MGAT5: variants seen among roughly 807,000 people sequenced by gnomAD.
MGAT5 encodes the protein alpha-1,6-mannosylglycoprotein 6-beta-N-acetylglucosaminyltransferase.
In MGAT5, 30 loss-of-function variants were observed where a neutral mutation model predicts 94.3. The observed-to-expected ratio is 0.32, with a 90% CI of 0.24 to 0.43. The LOEUF is 0.43. Among genes scored for constraint, MGAT5 ranks in the 20% least tolerant of loss-of-function variants. The pLI, the probability that MGAT5 is intolerant of heterozygous loss-of-function variation, is 1.00. For synonymous variants in MGAT5, 310 were observed against 322.9 expected, an observed-to-expected ratio of 0.96 and a Z score of 0.43; for missense variants, 691 against 905.5, an observed-to-expected ratio of 0.76 and a Z score of 3.04.
At chr2:134,195,547 G>A (rs953301807) in intron 1 of MGAT5, among the ~76,000 whole-genome samples, 4 of 151,968 alleles carry the variant, frequency 2.6e-5, no homozygotes, top group African/African-American at 9.7e-5. Flanking sequence ...CTCCCATATC[G>A]GCTGCAGCAG....
intron 1 of MGAT5, among the ~76,000 whole-genome samples, chr2:134,238,211 A>G (rs992216306): frequency 3.3e-5 from 5 of 152,216 alleles, no homozygotes; most frequent in East Asian, 3.9e-4. Flanking sequence ...GCTGTGTGAC[A>G]TTGAACAGAT....
At chr2:134,148,051 A>G (rs554155577) in intron 1 of MGAT5, among the ~76,000 whole-genome samples, 104 of 152,364 alleles carry the variant, frequency 6.8e-4, no homozygotes, top group Non-Finnish European at 1.3e-3. Flanking sequence ...AACTTAATGA[A>G]GAAGCACTCA....
chr2:134,384,020 A>C (rs1381847877), intron 10 of MGAT5, among the ~76,000 whole-genome samples: 3 of 152,100 alleles, frequency 2.0e-5, no homozygotes, highest in Admixed American at 1.3e-4. Flanking sequence ...TTGAGAAAGA[A>C]TCAAAAGAAG....
chr2:134,233,136 T>G (rs1681456594), intron 1 of MGAT5, among the ~76,000 whole-genome samples: 1 of 152,250 alleles, frequency 6.6e-6, no homozygotes, highest in African/African-American at 2.4e-5. Context: ...TTGTTTTTTG[T>G]AGATTGTAAA....
intron 1 of MGAT5, among the ~76,000 whole-genome samples, chr2:134,255,780 A>G (rs908161212): frequency 6.6e-6 from 1 of 152,138 alleles, no homozygotes; most frequent in Non-Finnish European, 1.5e-5. Context: ...CCACTCAAGG[A>G]AGGTGCCCTG....
chr2:134,130,129 G>A (rs532913527), intron 1 of MGAT5, among the ~76,000 whole-genome samples: 8 of 152,074 alleles, frequency 5.3e-5, no homozygotes, highest in Admixed American at 3.3e-4. Flanking sequence ...CACCAGGCTG[G>A]AATTCTCGCC....
chr2:134,426,833 C>A (rs979706179), intron 13 of MGAT5, among the ~76,000 whole-genome samples: 1 of 152,126 alleles, frequency 6.6e-6, no homozygotes, highest in South Asian at 2.1e-4. Context: ...GTCAGTTCTT[C>A]GTAGTATTTT....
chr2:134,351,775 A>G (rs1679399671), intron 9 of MGAT5, among the ~76,000 whole-genome samples: 1 of 152,200 alleles, frequency 6.6e-6, no homozygotes, highest in Admixed American at 6.5e-5. Context: ...ACAACCAGTA[A>G]CATCATAAGC....
chr2:134,441,808 C>T lies in MGAT5; in HGVS notation c.1920C>T (p.Val640=), dbSNP rs755025205. ...VMWPPLSALQ[V]KLAEPGQSCK... is the part of the protein sequence containing the mutation. ...GGCCACCCCTCAGCGCCCTACAGGT[C>T]AAGCTTGCTGAGCCCGGGCAGTCCT... The change falls in exon 15 of 16, where the codon GTC becomes GTT. Residue 640 remains valine, a synonymous_variant. Coordinates refer to ENST00000281923, the MANE Select transcript of MGAT5 (RefSeq NM_002410.5). 6.2e-6 allele frequency: 10 copies of T among 1,614,108 alleles called. No homozygotes were observed. In the South Asian group the frequency reaches 1.1e-4, roughly 18 times the overall value.
intron 1 of MGAT5, among the ~76,000 whole-genome samples, chr2:134,169,901 C>T (rs1190781667): frequency 1.3e-5 from 2 of 151,996 alleles, no homozygotes; most frequent in African/African-American, 4.8e-5. Context: ...AAGGTAAAAT[C>T]GAGATTTGAA....
At chr2:134,386,156 T>G (rs1681959878) in intron 10 of MGAT5, among the ~76,000 whole-genome samples, 1 of 152,178 alleles carries the variant, frequency 6.6e-6, no homozygotes, top group Non-Finnish European at 1.5e-5. Flanking sequence ...TAGCTTGCAG[T>G]TGGACCATGG....
Position 134,422,747 on chromosome 2 carries a change from A to G in MGAT5, c.1678-56A>G, listed in dbSNP as rs1030171109. 7 of 1,333,412 alleles carry G rather than the reference A, an allele frequency of 5.2e-6. No homozygotes were observed. The African/African-American group carries it at 5.8e-5, about 11-fold the overall frequency. 82.6% of individuals were successfully genotyped at this position (1,333,412 alleles called of 1,614,324 possible). A position where few individuals can be genotyped will look rare whatever the true frequency, so the allele number is the denominator to read the frequency against. ...CCATAAAAAGCATAGCACTCCATCT[A>G]GCACAGGTTATTTTAAAAATTGCTT... On this transcript the variant is annotated intron_variant, in intron 12 of 15. Coordinates refer to ENST00000281923, the MANE Select transcript of MGAT5 (RefSeq NM_002410.5).
Position 134,437,793 on chromosome 2 carries a change from T to G in MGAT5, c.1870-3965T>G, listed in dbSNP as rs1374435051. On this transcript the variant is annotated intron_variant, in intron 14 of 15. Transcript: ENST00000281923. Reference sequence around the variant, plus strand: ...ACTTTGGGAGGCTGAGGCAAGCGAATCCCCTGAGGCTAGGAGTTCGAGGTC... The same window carrying G: ...ACTTTGGGAGGCTGAGGCAAGCGAAGCCCCTGAGGCTAGGAGTTCGAGGTC... Among the ~76,000 whole-genome samples the G allele has an allele frequency of 2.0e-5, 3 of 152,252 alleles. No homozygotes were observed. In the East Asian group the frequency reaches 5.8e-4, roughly 29 times the overall value.
At chr2:134,152,928 G>C (rs376861156) in intron 1 of MGAT5, among the ~76,000 whole-genome samples, 6 of 142,350 alleles carry the variant, frequency 4.2e-5, no homozygotes, top group African/African-American at 1.6e-4. Context: ...TTTTGAGATG[G>C]AATCTCACTC....
At chr2:134,283,236 T>C (rs778866066) in intron 2 of MGAT5, among the ~76,000 whole-genome samples, 1 of 152,130 alleles carries the variant, frequency 6.6e-6, no homozygotes, top group Non-Finnish European at 1.5e-5. Context: ...AGTTCTCTCA[T>C]CTGTACAGCA....
intron 2 of MGAT5, among the ~76,000 whole-genome samples, chr2:134,279,451 T>C (rs1005166451): frequency 2.6e-5 from 4 of 152,210 alleles, no homozygotes; most frequent in Non-Finnish European, 5.9e-5. Context: ...TTTGAATGAA[T>C]AGTTCTTGCA....
At chr2:134,414,809 G>A (rs1048913806) in intron 12 of MGAT5, among the ~76,000 whole-genome samples, 1 of 152,154 alleles carries the variant, frequency 6.6e-6, no homozygotes, top group African/African-American at 2.4e-5. Context: ...TCTGCTCTGC[G>A]AGTTCAACCA....
intron 1 of MGAT5, among the ~76,000 whole-genome samples, chr2:134,226,332 A>G (rs1227143704): frequency 1.3e-5 from 2 of 152,240 alleles, no homozygotes; most frequent in African/African-American, 2.4e-5. Flanking sequence ...CAATAACCAT[A>G]TAACATATCT....
intron 14 of MGAT5, among the ~76,000 whole-genome samples, chr2:134,439,072 G>T (rs1233163661): frequency 5.3e-5 from 8 of 152,116 alleles, no homozygotes; most frequent in African/African-American, 1.9e-4. Context: ...TGCCTTGTTG[G>T]AATCAGGATC....
Sources: allele counts gnomAD v4.1 joint callset (sites outside exome capture counted in the v4.1 genomes callset), GRCh38; gene constraint gnomAD v4.1.1; transcripts MANE v1.5; gene names NCBI Gene and HGNC (gene_info 2026-07-23, HGNC 2026-07-21).